Variants in ZP3 observed in about 807,000 individuals in gnomAD.
ZP3 encodes the protein zona pellucida sperm-binding protein 3.
In ZP3, 21 loss-of-function variants were observed where a neutral mutation model predicts 35.6. That is an observed-to-expected ratio of 0.59 (90% CI 0.42 to 0.85). The LOEUF (loss-of-function observed/expected upper bound fraction) is 0.85, where lower values mean the gene tolerates loss of function less well. Ranked by LOEUF, ZP3 falls within the 40% of genes least tolerant of loss-of-function variation. ZP3 has a pLI of 0.00. For missense variants in ZP3, 437 were observed against 536.5 expected (o/e 0.81, Z 1.83); for synonymous variants, 207 against 214.5 (o/e 0.96, Z 0.31).
At chr7:76,415,225 G>A (rs1805340333) in intron 1 of ZP3, among the ~76,000 whole-genome samples, 1 of 151,538 alleles carries the variant, frequency 6.6e-6, no homozygotes, top group Admixed American at 6.6e-5. Context: ...AATTAGCCAG[G>A]TGTGGTGGCA....
At chr7:76,420,136 C>T (rs777083361), upstream of ZP3, among the ~76,000 whole-genome samples, 2 of 151,154 alleles carry the variant, frequency 1.3e-5, no homozygotes, top group Non-Finnish European at 2.9e-5. Context: ...TCCTCCCCTT[C>T]CTCTTCCCCT....
Position 76,425,221 on chromosome 7 carries a change from C to T in ZP3, c.257C>T (p.Thr86Ile). Residue 86 changes from threonine (T) to isoleucine (I), a missense_variant, in exon 1 of 8, where the codon ACA becomes ATA. Around this residue, in one of 6 missense-constraint regions of ZP3, gnomAD observed 352 missense variants for 308.4 expected, o/e 1.14. Transcript: ENST00000394857. ...TGTGAGCCTCTGGTCTCCATGGACA[C>T]AGAAGATGTGGTCAGGTTTGAGGTT... ...EACEPLVSMDTEDVVRFEVGL... is the reference protein window; with the variant it reads ...EACEPLVSMDIEDVVRFEVGL... 6.2e-7 allele frequency: 1 copy of T among 1,613,834 alleles called. No homozygotes were observed. The highest frequency in any genetic ancestry group is 8.5e-7 in the Non-Finnish European group (1 of 1,179,978).
chr7:76,400,558 C>T lies in ZP3; in HGVS notation c.-67+2761C>T, dbSNP rs564222991. ...ACCGTGCATGACTTCCAGGCGGCCC[C>T]GGCAGCGGCTGGGGCCCCCCACCAG... is the stretch of plus-strand genomic sequence containing the variant. On this transcript the variant is annotated intron_variant, in intron 1 of 8. Transcript: ENST00000336517. 1.7e-5 allele frequency: 25 copies of T among 1,504,106 alleles called. No individual in the cohort carries two copies. The highest frequency in any genetic ancestry group is 1.5e-4 in the African/African-American group (11 of 71,272). The allele number at this position is 1,504,106 out of a possible 1,614,324, so 93.2% of individuals were successfully genotyped here. A position where few individuals can be genotyped will look rare whatever the true frequency, so the allele number is the denominator to read the frequency against.
At chr7:76,398,225 T>G (rs926203597) in intron 1 of ZP3, among the ~76,000 whole-genome samples, 4 of 152,074 alleles carry the variant, frequency 2.6e-5, no homozygotes, top group African/African-American at 9.7e-5. Flanking sequence ...TTTCATTTTC[T>G]TCTTCTAGTC....
intron 1 of ZP3, among the ~76,000 whole-genome samples, chr7:76,409,892 G>T (rs950820098): frequency 3.3e-5 from 5 of 151,912 alleles, no homozygotes; most frequent in Non-Finnish European, 5.9e-5. Flanking sequence ...CAGGAGTCCC[G>T]CCTGATGATG....
At chr7:76,427,102 TA>T (rs962156013) in intron 1 of ZP3, among the ~76,000 whole-genome samples, 19 of 152,040 alleles carry the variant, frequency 1.2e-4, no homozygotes, top group Admixed American at 2.6e-4. Flanking sequence ...TCCAGGCTGC[TA>T]AAATAGAAAG....
chr7:76,426,907 C>CACACACACACACAAAA (rs57796274), intron 1 of ZP3, among the ~76,000 whole-genome samples: 1 of 126,870 alleles, frequency 7.9e-6, no homozygotes, highest in African/African-American at 3.1e-5. Context: ...CACACACACA[C>CACACACACACACAAAA]AATAGGGTGT....
chr7:76,414,569 T>C (rs962424787), intron 1 of ZP3, among the ~76,000 whole-genome samples: 10 of 151,556 alleles, frequency 6.6e-5, no homozygotes, highest in African/African-American at 2.2e-4. Flanking sequence ...CTTCCGCTCC[T>C]GGGAGGTCAG....
Position 76,425,125 on chromosome 7 carries a change from T to C in ZP3, c.161T>C (p.Met54Thr). The C allele has an allele frequency of 6.2e-7, 1 of 1,613,984 alleles. No homozygotes were observed. Among genetic ancestry groups the C allele is most frequent in the East Asian group, 2.2e-5 (1 of 44,876 alleles). ...TGTCAGGAGGCCACTCTGATGGTCA[T>C]GGTCAGCAAAGACCTTTTTGGCACC... ...VECQEATLMV[M>T]VSKDLFGTGK... Residue 54 changes from methionine (M) to threonine (T), a missense_variant, in exon 1 of 8, where the codon ATG becomes ACG. Transcript: ENST00000394857.
intron 1 of ZP3, chr7:76,401,025 G>A: frequency 6.5e-7 from 1 of 1,550,004 alleles, no homozygotes; most frequent in Non-Finnish European, 8.7e-7. Flanking sequence ...GGGCAGTGGA[G>A]TGGGCTGTAG....
rs373571562 is a variant in ZP3, at chr7:76,429,584, A to G, written c.382A>G (p.Ile128Val). The change falls in exon 2 of 8, where the codon ATC (isoleucine) becomes GTC (valine). Residue 128 changes from isoleucine to valine, a missense_variant. Ile to Val is a conservative substitution (Grantham distance 29, BLOSUM62 3). Coordinates refer to ENST00000394857, the MANE Select transcript of ZP3 (RefSeq NM_001110354.2). ...HDPRPVGNLS[I>V]VRTNRAEIPI... is the part of the protein sequence containing the mutation. ...CCCCCGCCCCGTGGGAAACCTGTCC[A>G]TCGTGAGGACTAACCGCGCAGAGAT... 113 of 1,613,972 alleles carry G rather than the reference A, an allele frequency of 7.0e-5. No individual in the cohort carries two copies. The highest frequency in any genetic ancestry group is 8.8e-5 in the South Asian group (8 of 91,092).
intron 1 of ZP3, among the ~76,000 whole-genome samples, chr7:76,408,927 TGTATGACCTTCACCTTG>T (rs1371437673): frequency 6.6e-6 from 1 of 152,196 alleles, no homozygotes; most frequent in Non-Finnish European, 1.5e-5. Context: ...ATCTCCTAGC[TGTATGACCTTCACCTTG>T]CAAAGCCTCA....
chr7:76,409,469 G>A (rs111668358), intron 1 of ZP3: 2 of 152,206 alleles, frequency 1.3e-5, no homozygotes, highest in African/African-American at 2.4e-5. Context: ...ATCCAAGATC[G>A]AATCACTTTG....
intron 1 of ZP3, among the ~76,000 whole-genome samples, chr7:76,405,271 TTATATATATA>T (rs1171830870): frequency 0.029 from 265 of 9,118 alleles, 10 homozygotes; most frequent in African/African-American, 0.04. Flanking sequence ...ACCCAGCTAA[TTATATATATA>T]TATATATATA....
chr7:76,433,475 T>C lies in ZP3; in HGVS notation c.541T>C (p.Trp181Arg). ...TFSLRLMEEN[W>R]NAEKRSPTFH... ...CAGCTGACTGTGTCTTTCAGAGAAC[T>C]GGAACGCTGAGAAGAGGTCCCCCAC... Residue 181 changes from tryptophan to arginine, a missense_variant, in exon 4 of 8, where the codon TGG (tryptophan) becomes CGG (arginine). This residue lies in a region of ZP3 where 352 missense variants were observed against 308.4 expected (regional missense o/e 1.14). Coordinates refer to ENST00000394857, the MANE Select transcript of ZP3 (RefSeq NM_001110354.2). 1 of 1,612,348 alleles carries C rather than the reference T, an allele frequency of 6.2e-7. No individual in the cohort carries two copies. The highest frequency in any genetic ancestry group is 8.5e-7 in the Non-Finnish European group (1 of 1,179,206).
chr7:76,432,440 T>C (rs1805858970), intron 2 of ZP3, among the ~76,000 whole-genome samples: 1 of 152,108 alleles, frequency 6.6e-6, no homozygotes, highest in African/African-American at 2.4e-5. Context: ...CGCCTCGGCC[T>C]CTCAAACTGC....
chr7:76,435,517 G>A (rs1359242080), intron 5 of ZP3, among the ~76,000 whole-genome samples: 12 of 152,232 alleles, frequency 7.9e-5, no homozygotes, highest in Non-Finnish European at 1.5e-4. Context: ...AGAATAGGTG[G>A]TTAGGAAGTG....
At chr7:76,436,046 T>C (rs1805995552) in intron 5 of ZP3, among the ~76,000 whole-genome samples, 14 of 40,566 alleles carry the variant, frequency 3.5e-4, no homozygotes, top group African/African-American at 1.4e-3. Flanking sequence ...TTTTTTTTTT[T>C]TTTTTTTTTT....
rs764793375 is a variant in ZP3 at position 76,425,030 on chromosome 7, C to G, written c.66C>G (p.Pro22=). 6.3e-6 allele frequency: 10 copies of G among 1,595,758 alleles called. No individual in the cohort carries two copies. The highest frequency in any genetic ancestry group is 2.3e-5 in the East Asian group (1 of 44,124). The change falls in exon 1 of 8, where the codon CCC becomes CCG. Residue 22 remains proline (P), a synonymous_variant. Coordinates refer to ENST00000394857, the MANE Select transcript of ZP3 (RefSeq NM_001110354.2). ...GGGGTAGTACTGAGCTGTGCTACCC[C>G]CAACCCCTCTGGCTCTTGCAGGGTG... ...LLWGSTELCY[P]QPLWLLQGGA...
Sources: gnomAD v4.1 joint callset for allele counts (sites outside exome capture counted in the v4.1 genomes callset) on GRCh38, gnomAD v4.1.1 for gene constraint, gnomAD v4.1.1 regional missense constraint, MANE v1.5 for transcripts, NCBI Gene and HGNC (gene_info 2026-07-23, HGNC 2026-07-21) for gene names.